TTLL5: variants seen among roughly 807,000 people sequenced by gnomAD.
The protein encoded by TTLL5 is tubulin polyglutamylase TTLL5.
In TTLL5, 132 loss-of-function variants were observed where a neutral mutation model predicts 168.4. The observed-to-expected ratio is 0.78, with a 90% confidence interval of 0.68 to 0.91. The LOEUF (loss-of-function observed/expected upper bound fraction) is 0.91, where lower values mean the gene tolerates loss of function less well. Among genes scored for constraint, TTLL5 ranks in the 40% least tolerant of loss-of-function variants. The probability of loss-of-function intolerance (pLI) is 0.00; values close to 1 mark genes in which losing one functional copy is unlikely to be tolerated. For synonymous variants in TTLL5, 546 were observed against 558.6 expected (o/e 0.98, Z 0.32); for missense variants, 1,545 against 1,581.5 (o/e 0.98, Z 0.39).
chr14:75,684,454 CTTTGTTTTTAAAATAATT>C lies in TTLL5; in HGVS notation c.371+799_371+816del, dbSNP rs1231625265. ...TTTTGCATGATGGTAGTTTCTATTT[CTTTGTTTTTAAAATAATT>C]GAAGGATGATATAATCTAGCTATTA... On this transcript the variant is annotated intron_variant, in intron 5 of 31. Coordinates refer to ENST00000298832, the MANE Select transcript of TTLL5 (RefSeq NM_015072.5). 3 of 152,028 alleles carry C rather than the reference CTTTGTTTTTAAAATAATT, an allele frequency of 2.0e-5. No individual in the cohort carries two copies. In the East Asian group the frequency reaches 5.8e-4, roughly 29 times the overall value. 9.4% of individuals were successfully genotyped at this position (152,028 alleles called of 1,614,324 possible). A position where few individuals can be genotyped will look rare whatever the true frequency, so the allele number is the denominator to read the frequency against.
chr14:75,900,850 T>C (rs139323403), intron 30 of TTLL5, among the ~76,000 whole-genome samples: 35 of 152,350 alleles, frequency 2.3e-4, no homozygotes, highest in African/African-American at 7.9e-4. Context: ...CTCGTTCTCA[T>C]AACACTGTGT....
intron 29 of TTLL5, among the ~76,000 whole-genome samples, chr14:75,876,815 A>G (rs1191158246): frequency 6.6e-6 from 1 of 152,170 alleles, no homozygotes; most frequent in African/African-American, 2.4e-5. Context: ...AGAAACAGTT[A>G]CTCTCACTCT....
At chr14:75,888,828 A>G (rs914383341) in intron 30 of TTLL5, among the ~76,000 whole-genome samples, 6 of 151,738 alleles carry the variant, frequency 4.0e-5, no homozygotes, top group African/African-American at 1.5e-4. Flanking sequence ...CCAGCTACTC[A>G]GGAGGCGGAG....
At chr14:75,720,076 G>C (rs1356615828) in intron 11 of TTLL5, among the ~76,000 whole-genome samples, 1 of 152,092 alleles carries the variant, frequency 6.6e-6, no homozygotes, top group Non-Finnish European at 1.5e-5. Context: ...TACCCTTCTT[G>C]AATGTTGAAC....
At chr14:75,947,009 G>A (rs1355246451) in intron 31 of TTLL5, among the ~76,000 whole-genome samples, 2 of 152,226 alleles carry the variant, frequency 1.3e-5, no homozygotes, top group Non-Finnish European at 2.9e-5. Flanking sequence ...AGATGAGGCT[G>A]AGAGATGACA....
intron 6 of TTLL5, among the ~76,000 whole-genome samples, chr14:75,695,907 C>T (rs1405600189): frequency 7.3e-6 from 1 of 137,242 alleles, no homozygotes; most frequent in Non-Finnish European, 1.6e-5. Flanking sequence ...CCCTTCCCCT[C>T]CCCTCCCCTC....
intron 3 of TTLL5, among the ~76,000 whole-genome samples, chr14:75,678,877 A>C (rs1165529874): frequency 6.6e-6 from 1 of 152,182 alleles, no homozygotes; most frequent in African/African-American, 2.4e-5. Flanking sequence ...ATTCTCTGGT[A>C]AGATATTTTG....
Position 75,820,164 on chromosome 14 carries a change from A to G in TTLL5, c.3326+3A>G, listed in dbSNP as rs1436866671. 3.8e-6 allele frequency: 6 copies of G among 1,582,310 alleles called. No individual in the cohort carries two copies. The South Asian group carries it at 5.8e-5, about 15-fold the overall frequency. On this transcript the variant is annotated splice_donor_region_variant and intron_variant, in intron 28 of 31. Coordinates refer to ENST00000298832, the MANE Select transcript of TTLL5 (RefSeq NM_015072.5). ...CACTCCAGCTCTCCTGGAAGCAGGT[A>G]TGTGAAGGGCCCTGCAACTAGCATT...
intron 9 of TTLL5, chr14:75,710,949 C>A (rs1038881898): frequency 6.6e-6 from 1 of 152,160 alleles, no homozygotes; most frequent in Non-Finnish European, 1.5e-5. Context: ...GAAATGAATT[C>A]CCTTACACCC....
intron 28 of TTLL5, among the ~76,000 whole-genome samples, chr14:75,833,207 C>T (rs1252825892): frequency 6.6e-6 from 1 of 152,190 alleles, no homozygotes; most frequent in Non-Finnish European, 1.5e-5. Context: ...ATCATTTCAT[C>T]CTGCATTTTC....
At chr14:75,731,002 G>A (rs895617593) in intron 12 of TTLL5, among the ~76,000 whole-genome samples, 1 of 152,190 alleles carries the variant, frequency 6.6e-6, no homozygotes, top group African/African-American at 2.4e-5. Flanking sequence ...ACAGGCATGA[G>A]CCACCATACC....
At chr14:75,822,880 G>A (rs1894909600) in intron 28 of TTLL5, among the ~76,000 whole-genome samples, 1 of 152,162 alleles carries the variant, frequency 6.6e-6, no homozygotes, top group Non-Finnish European at 1.5e-5. Flanking sequence ...AAGGCAAAGA[G>A]CCCACGACTT....
intron 29 of TTLL5, among the ~76,000 whole-genome samples, chr14:75,876,865 A>G (rs1460849486): frequency 2.0e-5 from 3 of 152,228 alleles, no homozygotes; most frequent in Non-Finnish European, 4.4e-5. Context: ...ACAGGGTTGC[A>G]TAAAAGTCTG....
At chr14:75,725,510 C>A (rs756847905) in intron 12 of TTLL5, among the ~76,000 whole-genome samples, 1 of 152,154 alleles carries the variant, frequency 6.6e-6, no homozygotes, top group African/African-American at 2.4e-5. Flanking sequence ...TTGGTATTAT[C>A]TGTGTTTTAT....
At chr14:75,722,703 A>G (rs1304116127) in intron 12 of TTLL5, among the ~76,000 whole-genome samples, 3 of 151,752 alleles carry the variant, frequency 2.0e-5, no homozygotes, top group Non-Finnish European at 4.4e-5. Flanking sequence ...CTAGAGTGCA[A>G]TGGCGCAATC....
rs535531610 is a variant in TTLL5 at position 75,759,883 on chromosome 14, T to A, written c.1551-4732T>A. 4.1e-4 allele frequency among the ~76,000 whole-genome samples: 62 copies of A among 152,194 alleles called. 2 individuals carry two copies. In the South Asian group the frequency reaches 0.01, roughly 25 times the overall value. ...AAGGAAACTTCATTGATAAAGGCCT[T>A]ATATGAAAAACCTCTTGCTATCATC... is the stretch of plus-strand genomic sequence containing the variant. On this transcript the variant is annotated intron_variant, in intron 18 of 31. Transcript: ENST00000298832.
At chr14:75,863,933 A>AAAAC in intron 29 of TTLL5, 71 bp downstream of exon 29, 1 of 1,268,266 alleles carries the variant, frequency 7.9e-7, no homozygotes. Context: ...AAAAAAAAAA[A>AAAAC]AGGTCAGTGA....
chr14:75,762,972 G>C (rs1470367690), intron 18 of TTLL5, among the ~76,000 whole-genome samples: 3 of 152,114 alleles, frequency 2.0e-5, no homozygotes, highest in Non-Finnish European at 4.4e-5. Context: ...TAATTAGGAT[G>C]ATCTCAAACA....
At chr14:75,706,574 T>G (rs1036918239) in intron 7 of TTLL5, among the ~76,000 whole-genome samples, 2 of 152,186 alleles carry the variant, frequency 1.3e-5, no homozygotes, top group Non-Finnish European at 2.9e-5. Flanking sequence ...TGTGGATCTG[T>G]AAGTTCTCCA....
Sources: allele counts gnomAD v4.1 joint callset (sites outside exome capture counted in the v4.1 genomes callset), GRCh38; gene constraint gnomAD v4.1.1; transcripts MANE v1.5; gene names NCBI Gene and HGNC (gene_info 2026-07-23, HGNC 2026-07-21).